Variants in PIKFYVE observed in about 807,000 individuals in gnomAD.
PIKFYVE encodes the protein phosphoinositide kinase, FYVE-type zinc finger containing.
A neutral mutation model predicts 257.9 loss-of-function variants in PIKFYVE; 122 were observed. The ratio of observed to expected loss-of-function variants is 0.47; its 90% CI spans 0.41 to 0.55. The LOEUF (loss-of-function observed/expected upper bound fraction) is 0.55. Among genes scored for constraint, PIKFYVE ranks in the 20% least tolerant of loss-of-function variants. The pLI, the probability that PIKFYVE is intolerant of heterozygous loss-of-function variation, is 0.00. For missense variants in PIKFYVE, 2,160 were observed against 2,536.6 expected, an observed-to-expected ratio of 0.85 and a Z score of 3.19; for synonymous variants, 892 against 868.9, an observed-to-expected ratio of 1.03 and a Z score of -0.47.
intron 31 of PIKFYVE, among the ~76,000 whole-genome samples, chr2:208,341,878 A>G (rs948229160): frequency 6.6e-6 from 1 of 152,160 alleles, no homozygotes; most frequent in African/African-American, 2.4e-5. Flanking sequence ...AGCACTTACC[A>G]CAGAGATTAT....
Position 208,320,247 on chromosome 2 carries a change from T to C in PIKFYVE, c.2083-5T>C. ...ACACTTTAACAAACTGTTCATTTTTTGTAGATGAGTTCTTGTATTAAAAAC... is the reference window on the plus strand; with the variant it reads ...ACACTTTAACAAACTGTTCATTTTTCGTAGATGAGTTCTTGTATTAAAAAC... On this transcript the variant is annotated splice_region_variant and splice_polypyrimidine_tract_variant and intron_variant, in intron 16 of 41. Transcript: ENST00000264380. 6.2e-7 allele frequency: 1 copy of C among 1,610,460 alleles called. No individual in the cohort carries two copies. The highest frequency in any genetic ancestry group is 8.5e-7 in the Non-Finnish European group (1 of 1,177,868).
chr2:208,323,971 T>C (rs1230192798), intron 17 of PIKFYVE, among the ~76,000 whole-genome samples, 171 bp from the exon 18 acceptor site: 1 of 152,108 alleles, frequency 6.6e-6, no homozygotes, highest in Admixed American at 6.5e-5. Flanking sequence ...GTTTTTTTCT[T>C]GTAAATTTGT....
At chr2:208,302,413 C>T in intron 10 of PIKFYVE, 60 bp downstream of exon 10, 1 of 1,384,426 alleles carries the variant, frequency 7.2e-7, no homozygotes, top group East Asian at 2.3e-5. Context: ...AGTCTTTCTT[C>T]ATCAGTGGGA....
intron 28 of PIKFYVE, among the ~76,000 whole-genome samples, 187 bp from the exon 29 acceptor site, chr2:208,338,321 T>C (rs1698365365): frequency 6.6e-6 from 1 of 152,176 alleles, no homozygotes. Context: ...TCTGTTTTAA[T>C]TTCTAATAAG....
At chr2:208,314,851 G>A (rs540892352) in intron 14 of PIKFYVE, among the ~76,000 whole-genome samples, 8 of 151,906 alleles carry the variant, frequency 5.3e-5, no homozygotes, top group South Asian at 2.1e-4. Flanking sequence ...AGCTGAGATC[G>A]CGCCACTGCA....
At chr2:208,332,928 C>T (rs1047114148) in intron 23 of PIKFYVE, among the ~76,000 whole-genome samples, 9 of 152,062 alleles carry the variant, frequency 5.9e-5, no homozygotes, top group African/African-American at 1.7e-4. Flanking sequence ...GTATATATTA[C>T]GTTTGTATTA....
chr2:208,310,182 G>A (rs1408173249), intron 12 of PIKFYVE, among the ~76,000 whole-genome samples: 1 of 152,092 alleles, frequency 6.6e-6, no homozygotes, highest in African/African-American at 2.4e-5. Flanking sequence ...CAGGGAGACT[G>A]GTAGTTACGT....
Position 208,356,241 on chromosome 2 carries a change from A to G in PIKFYVE, c.*936A>G, listed in dbSNP as rs1239315837. On this transcript the variant is annotated 3_prime_UTR_variant, in exon 42 of 42. Coordinates refer to ENST00000264380, the MANE Select transcript of PIKFYVE (RefSeq NM_015040.4). ...AAACACTTGTTTTATTCACAGAGGT[A>G]AAGTGTCTTTTCAATATAACCAGCA... 1 of 152,244 alleles carries G rather than the reference A, an allele frequency of 6.6e-6. No individual in the cohort carries two copies. The highest frequency in any genetic ancestry group is 1.5e-5 in the Non-Finnish European group (1 of 68,040). The allele number at this position is 152,244 out of a possible 1,614,324, so 9.4% of individuals were successfully genotyped here. A position where few individuals can be genotyped will look rare whatever the true frequency, so the allele number is the denominator to read the frequency against.
intron 31 of PIKFYVE, 92 bp downstream of exon 31, chr2:208,340,223 A>G: frequency 6.8e-7 from 1 of 1,470,592 alleles, no homozygotes; most frequent in Non-Finnish European, 9.4e-7. Context: ...CTGATGCATG[A>G]TTTTTCAATC....
chr2:208,308,062 T>C (rs1020417883), intron 12 of PIKFYVE, among the ~76,000 whole-genome samples: 2 of 152,214 alleles, frequency 1.3e-5, no homozygotes, highest in African/African-American at 4.8e-5. Context: ...ATGATAGATA[T>C]GTTTATTAAA....
chr2:208,267,994 C>A (rs1688892394), intron 1 of PIKFYVE, among the ~76,000 whole-genome samples: 1 of 152,160 alleles, frequency 6.6e-6, no homozygotes, highest in East Asian at 1.9e-4. Flanking sequence ...ATATTAGTAG[C>A]CTTAATTAGA....
intron 7 of PIKFYVE, among the ~76,000 whole-genome samples, chr2:208,294,603 T>C (rs900086407): frequency 3.9e-5 from 6 of 152,180 alleles, no homozygotes; most frequent in Non-Finnish European, 8.8e-5. Context: ...GGTGAGCCTG[T>C]GCCCCTGAAC....
In PIKFYVE at chr2:208,324,295, A is replaced by G; in HGVS notation, c.2331+13A>G. The G allele has an allele frequency of 6.2e-7, 1 of 1,612,274 alleles. No homozygotes were observed. The highest frequency in any genetic ancestry group is 8.5e-7 in the Non-Finnish European group (1 of 1,178,506). Reference sequence around the variant, plus strand: ...TAATGTAAAGTCAGTGAGTGTTTTTAATTTTCTATTGTATTTTAAAAAAAT... The same window carrying G: ...TAATGTAAAGTCAGTGAGTGTTTTTGATTTTCTATTGTATTTTAAAAAAAT... On this transcript the variant is annotated intron_variant, in intron 18 of 41. Transcript: ENST00000264380.
In PIKFYVE at chr2:208,339,460, G is replaced by T; in HGVS notation, c.4715G>T (p.Ser1572Ile). The change falls in exon 30 of 42, where the codon AGT (serine) becomes ATT (isoleucine). Residue 1572 changes from serine to isoleucine, a missense_variant. Ser to Ile is a moderately radical substitution (Grantham distance 142, BLOSUM62 -2). Around this residue, in one of 12 missense-constraint regions of PIKFYVE, gnomAD observed 699 missense variants for 855.8 expected, o/e 0.82. Transcript: ENST00000264380. Reference sequence around the variant, plus strand: ...ACTTTGTCCAGCCAGAGCTCCACCAGTTCTACTCATCTCCAATTGCCTACG... The same window carrying T: ...ACTTTGTCCAGCCAGAGCTCCACCATTTCTACTCATCTCCAATTGCCTACG... ...LTTLSSQSST[S>I]STHLQLPTPP... 1 of 1,614,120 alleles carries T rather than the reference G, an allele frequency of 6.2e-7. No homozygotes were observed. The highest frequency in any genetic ancestry group is 8.5e-7 in the Non-Finnish European group (1 of 1,180,012).
At chr2:208,276,661 A>G (rs375039332) in intron 3 of PIKFYVE, 51 bp from the exon 4 acceptor site, 2 of 1,295,894 alleles carry the variant, frequency 1.5e-6, no homozygotes, top group South Asian at 1.2e-5. Context: ...CTTGTTGTAT[A>G]TAGATACTAG....
chr2:208,354,023 T>A lies in PIKFYVE; in HGVS notation c.5970T>A (p.Ile1990=), dbSNP rs1378195280. 1 of 1,614,094 alleles carries A rather than the reference T, an allele frequency of 6.2e-7. No homozygotes were observed. The highest frequency in any genetic ancestry group is 2.2e-5 in the East Asian group (1 of 44,862). Residue 1990 remains isoleucine, a synonymous_variant, in exon 40 of 42, where the codon ATT becomes ATA. Coordinates refer to ENST00000264380, the MANE Select transcript of PIKFYVE (RefSeq NM_015040.4). ...LKMVRDNPLY[I]RSHSKAVLRT... is the part of the protein sequence containing the mutation. ...TGGTTCGAGACAACCCTCTATATAT[T>A]CGTTCTCATTCCAAAGCTGTGCTGA...
rs775387347 is a variant in PIKFYVE, at chr2:208,304,996, A to T, written c.1619A>T (p.His540Leu). Residue 540 changes from histidine (H) to leucine (L), a missense_variant, in exon 12 of 42, where the codon CAC becomes CTC. This residue lies in a region of PIKFYVE where 346 missense variants were observed against 365.6 expected (regional missense o/e 0.95). Coordinates refer to ENST00000264380, the MANE Select transcript of PIKFYVE (RefSeq NM_015040.4). The part of the protein sequence containing the change: ...KPSKYPHVPP[H>L]PADQKEYLIS... The stretch of plus-strand genomic sequence containing the variant: ...TCCAAGTACCCACATGTGCCCCCTC[A>T]CCCTGCTGACCAAAAAGGTAGGAGG... 1.2e-5 allele frequency: 20 copies of T among 1,613,884 alleles called. No individual in the cohort carries two copies. In the South Asian group the frequency reaches 1.3e-4, roughly 11 times the overall value.
chr2:208,303,640 CAG>C (rs1004122055), intron 10 of PIKFYVE, among the ~76,000 whole-genome samples: 4 of 152,094 alleles, frequency 2.6e-5, no homozygotes, highest in African/African-American at 9.7e-5. Flanking sequence ...TTTGCTGTCT[CAG>C]GGGTAGCAGA....
intron 3 of PIKFYVE, chr2:208,273,958 A>G: frequency 6.4e-7 from 1 of 1,561,064 alleles, no homozygotes; most frequent in South Asian, 1.2e-5. Context: ...TTAAACTTTA[A>G]TTTAGGCAAG....
Sources: gnomAD v4.1 joint callset for allele counts (sites outside exome capture counted in the v4.1 genomes callset) on GRCh38, gnomAD v4.1.1 for gene constraint, gnomAD v4.1.1 regional missense constraint, MANE v1.5 for transcripts, NCBI Gene and HGNC (gene_info 2026-07-23, HGNC 2026-07-21) for gene names.